The following EGF variants were observed in gnomAD, a reference collection of about 807,000 sequenced individuals.
EGF encodes epidermal growth factor, also known as pro-epidermal growth factor.
In EGF, 95 loss-of-function variants were observed where a neutral mutation model predicts 143.8. The observed-to-expected ratio is 0.66, with a 90% CI of 0.56 to 0.78. The LOEUF (loss-of-function observed/expected upper bound fraction) is 0.78, where lower values mean the gene tolerates loss of function less well. EGF is among the 30% of genes least tolerant of loss of function. EGF has a pLI of 0.00. For missense variants in EGF, 1,320 were observed against 1,470.9 expected (o/e 0.90, Z 1.68); for synonymous variants, 510 against 510.5 (o/e 1.00, Z 0.01).
At chr4:110,001,867 A>G (rs1359597003) in intron 21 of EGF, 1 of 985,326 alleles carries the variant, frequency 1.0e-6, no homozygotes, top group Non-Finnish European at 1.2e-6. Flanking sequence ...CCAGAGTTGT[A>G]CAATTCTTCC....
At chr4:109,965,473 T>C (rs1412698366) in intron 10 of EGF, among the ~76,000 whole-genome samples, 1 of 152,136 alleles carries the variant, frequency 6.6e-6, no homozygotes, top group Admixed American at 6.5e-5. Flanking sequence ...GACCTGAATC[T>C]ATATGGTTCC....
intron 13 of EGF, 111 bp from the exon 14 acceptor site, chr4:109,979,861 A>T: frequency 1.5e-6 from 2 of 1,319,730 alleles, no homozygotes; most frequent in Non-Finnish European, 1.1e-6. Flanking sequence ...CTGAGTAGCT[A>T]AAGAGCTGAT....
chr4:109,939,092 T>C (rs745380454), intron 1 of EGF, among the ~76,000 whole-genome samples: 21 of 152,264 alleles, frequency 1.4e-4, no homozygotes, highest in African/African-American at 1.4e-4. Flanking sequence ...AGAAGCTGTC[T>C]GCTGCCTTTT....
chr4:109,985,611 C>T (rs1412954150), intron 16 of EGF, among the ~76,000 whole-genome samples: 3 of 152,188 alleles, frequency 2.0e-5, no homozygotes, highest in South Asian at 2.1e-4. Flanking sequence ...TCCTGTGTGT[C>T]CTTCGCCCTC....
chr4:109,940,837 C>G, intron 1 of EGF, 109 bp from the exon 2 acceptor site: 1 of 1,101,446 alleles, frequency 9.1e-7, no homozygotes, highest in Non-Finnish European at 1.4e-6. Flanking sequence ...AACAGAAAAC[C>G]AGTAATTAAA....
At chr4:109,987,467 A>G (rs187331363) in intron 16 of EGF, among the ~76,000 whole-genome samples, 8 of 152,132 alleles carry the variant, frequency 5.3e-5, no homozygotes, top group East Asian at 1.9e-4. Flanking sequence ...GAGTTTCACC[A>G]TGTTGCCCAG....
At position 109,963,241 on chromosome 4, in the gene EGF, T is replaced by C. The variant is rs1373236571; in HGVS notation, c.1381T>C (p.Cys461Arg). 6.2e-7 allele frequency: 1 copy of C among 1,614,044 alleles called. No homozygotes were observed. Among genetic ancestry groups the C allele is most frequent in the Non-Finnish European group, 8.5e-7 (1 of 1,179,946 alleles). The change falls in exon 9 of 24, where the codon TGT (cysteine) becomes CGT (arginine). Residue 461 changes from cysteine (C) to arginine (R), a missense_variant. Cys to Arg is a radical substitution (Grantham distance 180). This residue lies in a region of EGF where 1,186 missense variants were observed against 1,313.7 expected (regional missense o/e 0.90). Coordinates refer to ENST00000265171, the MANE Select transcript of EGF (RefSeq NM_001963.6). Reference sequence around the variant, plus strand: ...TCCTCTTAGCCCAGTATCCTGGGAATGTGATTGCTTTCCTGGGTATGACCT... The same window carrying C: ...TCCTCTTAGCCCAGTATCCTGGGAACGTGATTGCTTTCCTGGGTATGACCT... Reference protein sequence around the residue: ...CVPLSPVSWECDCFPGYDLQL... With the variant: ...CVPLSPVSWERDCFPGYDLQL...
intron 22 of EGF, among the ~76,000 whole-genome samples, chr4:110,006,049 A>G (rs1188945469): frequency 9.1e-6 from 1 of 110,308 alleles, no homozygotes; most frequent in Non-Finnish European, 1.7e-5. Context: ...GTATGGGGGA[A>G]AAAAATAGAG....
chr4:109,990,533 C>G (rs1288222812), intron 18 of EGF, among the ~76,000 whole-genome samples: 3 of 152,146 alleles, frequency 2.0e-5, no homozygotes, highest in Non-Finnish European at 4.4e-5. Flanking sequence ...TAGTTGAGCA[C>G]TAAGTTTAGG....
chr4:109,965,092 A>G (rs1042995463), intron 10 of EGF, among the ~76,000 whole-genome samples: 4 of 152,142 alleles, frequency 2.6e-5, no homozygotes, highest in Non-Finnish European at 4.4e-5. Flanking sequence ...TTTTGTGTGT[A>G]ACTTAGAATT....
chr4:109,958,549 A>G (rs1239774582), intron 5 of EGF, among the ~76,000 whole-genome samples: 1 of 152,244 alleles, frequency 6.6e-6, no homozygotes, highest in Non-Finnish European at 1.5e-5. Context: ...GCAATGGTAT[A>G]TATTGAGTCT....
intron 11 of EGF, 126 bp from the exon 12 acceptor site, chr4:109,974,577 A>C (rs1748183676): frequency 2.8e-6 from 2 of 709,674 alleles, no homozygotes; most frequent in Non-Finnish European, 5.0e-6. Flanking sequence ...AGATAGGGAG[A>C]GAGAAACAGA....
chr4:110,004,215 T>TATAC, intron 21 of EGF: 1 of 355,768 alleles, frequency 2.8e-6, no homozygotes, highest in South Asian at 2.2e-5. Context: ...TGGGCATACA[T>TATAC]ACACACACAC....
intron 11 of EGF, among the ~76,000 whole-genome samples, chr4:109,969,599 T>C (rs1336187395): frequency 2.0e-5 from 3 of 151,688 alleles, no homozygotes; most frequent in Non-Finnish European, 2.9e-5. Flanking sequence ...ACTTAAAATA[T>C]AATAATAAAA....
chr4:109,935,352 GCTGT>G (rs1295839075), intron 1 of EGF, among the ~76,000 whole-genome samples: 3 of 150,804 alleles, frequency 2.0e-5, no homozygotes, highest in African/African-American at 7.3e-5. Context: ...TCATGATTTG[GCTGT>G]CTGTTATTGG....
At chr4:109,962,420 A>G (rs1745852073) in intron 8 of EGF, among the ~76,000 whole-genome samples, 1 of 152,252 alleles carries the variant, frequency 6.6e-6, no homozygotes, top group Admixed American at 6.5e-5. Flanking sequence ...TAGAGACTTA[A>G]GTATATAGAT....
chr4:109,993,375 T>C lies in EGF; in HGVS notation c.2857+6T>C. 6 of 1,612,970 alleles carry C rather than the reference T, an allele frequency of 3.7e-6. No homozygotes were observed. Among genetic ancestry groups the C allele is most frequent in the Non-Finnish European group, 5.1e-6 (6 of 1,179,538 alleles). Reference sequence around the variant, plus strand: ...ACCAGGACTGATTTGCCCTGGTAGGTTGGTGGGTGGTCTACAGTGAAGGGG... The same window carrying C: ...ACCAGGACTGATTTGCCCTGGTAGGCTGGTGGGTGGTCTACAGTGAAGGGG... On this transcript the variant is annotated splice_donor_region_variant and intron_variant, in intron 19 of 23. Transcript: ENST00000265171.
rs1295019181 is a variant in EGF, at chr4:109,976,004, G to T, written c.1830-8G>T. On this transcript the variant is annotated splice_region_variant and splice_polypyrimidine_tract_variant and intron_variant, in intron 12 of 23. Coordinates refer to ENST00000265171, the MANE Select transcript of EGF (RefSeq NM_001963.6). ...GATATTATTTGTTGTGTGCTTTCTT[G>T]ATTAAAGGAGATTATTCTGGACTGA... 2 of 1,612,048 alleles carry T rather than the reference G, an allele frequency of 1.2e-6. No individual in the cohort carries two copies. Among genetic ancestry groups the T allele is most frequent in the Admixed American group, 1.7e-5 (1 of 60,012 alleles).
chr4:109,969,039 G>C lies in EGF; in HGVS notation c.1644G>C (p.Arg548Ser). 3.1e-6 allele frequency: 5 copies of C among 1,614,190 alleles called. No homozygotes were observed. Among genetic ancestry groups the C allele is most frequent in the Non-Finnish European group, 4.2e-6 (5 of 1,180,012 alleles). ...ATATGGATGGTTCCCAGCGAGAAAG[G>C]CTTATTGAGGAAGGAGTAGATGTGC... is the stretch of plus-strand genomic sequence containing the variant. ...RANMDGSQRE[R>S]LIEEGVDVPE... Residue 548 changes from arginine (R) to serine (S), a missense_variant, in exon 11 of 24, where the codon AGG (arginine) becomes AGC (serine). This residue lies in a region of EGF where 1,186 missense variants were observed against 1,313.7 expected (regional missense o/e 0.90). Coordinates refer to ENST00000265171, the MANE Select transcript of EGF (RefSeq NM_001963.6).
Sources: allele counts gnomAD v4.1 joint callset (sites outside exome capture counted in the v4.1 genomes callset), GRCh38; gene constraint gnomAD v4.1.1; regional missense constraint gnomAD v4.1.1; transcripts MANE v1.5; gene names NCBI Gene and HGNC (gene_info 2026-07-23, HGNC 2026-07-21).